Variants in ARHGAP23 observed in about 807,000 individuals in gnomAD.
The protein encoded by ARHGAP23 is Rho GTPase activating protein 23.
In ARHGAP23, 34 loss-of-function variants were observed where a neutral mutation model predicts 136.3. The observed-to-expected ratio is 0.25, with a 90% CI of 0.19 to 0.33. ARHGAP23 has a LOEUF of 0.33. Among genes scored for constraint, ARHGAP23 ranks in the 10% least tolerant of loss-of-function variants. The pLI is 1.00. For missense variants in ARHGAP23, 1,808 were observed against 2,139.0 expected (o/e 0.85, Z 3.05); for synonymous variants, 832 against 920.5 (o/e 0.90, Z 1.74).
At chr17:38,502,372 C>T (rs549616334) in intron 23 of ARHGAP23, among the ~76,000 whole-genome samples, 1 of 152,332 alleles carries the variant, frequency 6.6e-6, no homozygotes, top group South Asian at 2.1e-4. Context: ...CCAGCATTAC[C>T]CTGATACCAA....
intron 11 of ARHGAP23, among the ~76,000 whole-genome samples, chr17:38,473,103 A>AT (rs59594005): frequency 0.02 from 2,538 of 129,912 alleles, 28 homozygotes; most frequent in Non-Finnish European, 0.023. Flanking sequence ...AACCCGGCTA[A>AT]TTTTTTTTTT....
chr17:38,493,173 C>A (rs2040315133), intron 20 of ARHGAP23, among the ~76,000 whole-genome samples: 1 of 150,616 alleles, frequency 6.6e-6, no homozygotes. Context: ...TTTTCTTTCT[C>A]TTTCTCTCTC....
chr17:38,420,126 C>A (rs1375004276), intron 1 of ARHGAP23, among the ~76,000 whole-genome samples: 2 of 152,164 alleles, frequency 1.3e-5, no homozygotes, highest in Admixed American at 6.5e-5. Flanking sequence ...GGGATGAAGA[C>A]CCCCTCTGGT....
chr17:38,510,379 GC>G lies in ARHGAP23; in HGVS notation c.3884del (p.Ala1295GlyfsTer7). ...GACGGACACTGAGGGCGCGGCGGGC[GC>G]GGGGCCTGGGGGGCGCCTGACACGC... ...VETDTEGAAG[A>X]GPGGRLTRRP... On this transcript the variant is annotated frameshift_variant, in exon 24 of 24. Coordinates refer to ENST00000622683, the MANE Select transcript of ARHGAP23 (RefSeq NM_001199417.2). LOFTEE classifies it high-confidence loss of function. This position sits in a 1 kb window ranked among gnomAD's most constrained non-coding sequence, Gnocchi z 4.6. 1 of 1,244,944 alleles carries G rather than the reference GC, an allele frequency of 8.0e-7. No homozygotes were observed. Among genetic ancestry groups the G allele is most frequent in the South Asian group, 3.6e-5 (1 of 27,918 alleles). 77.1% of individuals were successfully genotyped at this position (1,244,944 alleles called of 1,614,324 possible).
At chr17:38,434,451 C>T (rs572309925) in intron 1 of ARHGAP23, among the ~76,000 whole-genome samples, 7 of 152,334 alleles carry the variant, frequency 4.6e-5, no homozygotes, top group African/African-American at 1.7e-4. Context: ...TTTCAAAGCT[C>T]GGCCTGAATC....
chr17:38,490,319 C>A (rs2040247957), intron 18 of ARHGAP23, 143 bp from the exon 19 acceptor site: 18 of 1,117,672 alleles, frequency 1.6e-5, no homozygotes, highest in Non-Finnish European at 2.2e-5. Flanking sequence ...GTTTCCCCGT[C>A]CATACAAGAG....
intron 23 of ARHGAP23, among the ~76,000 whole-genome samples, chr17:38,507,655 T>C (rs2040664525): frequency 6.6e-6 from 1 of 152,208 alleles, no homozygotes. Flanking sequence ...CAGAGAGCAC[T>C]GGCCAGGAAA....
Position 38,461,020 on chromosome 17 carries a change from C to A in ARHGAP23, c.253+88C>A, listed in dbSNP as rs2039448264. 2.7e-6 allele frequency: 4 copies of A among 1,490,688 alleles called. No homozygotes were observed. In the African/African-American group the frequency reaches 4.2e-5, roughly 16 times the overall value. 92.3% of individuals were successfully genotyped at this position (1,490,688 alleles called of 1,614,324 possible). A position where few individuals can be genotyped will look rare whatever the true frequency, so the allele number is the denominator to read the frequency against. On this transcript the variant is annotated intron_variant, in intron 3 of 23. Coordinates refer to ENST00000622683, the MANE Select transcript of ARHGAP23 (RefSeq NM_001199417.2). Reference sequence around the variant, plus strand: ...CTGTCCTCCCCTAAGACTGCCTGTCCTTTTCTGTGCCCCCCTCCCTTGACT... The same window carrying A: ...CTGTCCTCCCCTAAGACTGCCTGTCATTTTCTGTGCCCCCCTCCCTTGACT...
rs2039584299 is a variant in ARHGAP23, at chr17:38,466,074, C to A, written c.484-93C>A. Reference sequence around the variant, plus strand: ...ACCGCTTGGTCCTCTCCCTTCATTTCCCTCCTGGGCTCCTTGACCTCCTCG... The same window carrying A: ...ACCGCTTGGTCCTCTCCCTTCATTTACCTCCTGGGCTCCTTGACCTCCTCG... On this transcript the variant is annotated intron_variant, in intron 6 of 23. Transcript: ENST00000622683. The A allele has an allele frequency of 8.3e-6, 8 of 966,004 alleles. No homozygotes were observed. The Admixed American group carries it at 3.0e-4, about 36-fold the overall frequency. The allele number at this position is 966,004 out of a possible 1,614,324, so 59.8% of individuals were successfully genotyped here.
At chr17:38,428,383 G>GGCC (rs1454405539), upstream of ARHGAP23, 45 of 378,004 alleles carry the variant, frequency 1.2e-4, no homozygotes, top group East Asian at 1.2e-3. Context: ...CCCGGGGGGG[G>GGCC]CCCCCCCACA....
chr17:38,430,754 G>T (rs1359695865), intron 1 of ARHGAP23, among the ~76,000 whole-genome samples: 2 of 152,168 alleles, frequency 1.3e-5, no homozygotes, highest in African/African-American at 4.8e-5. Flanking sequence ...TGTGAAGTTG[G>T]ATTCCAATGT....
At chr17:38,420,379 A>G (rs886123922) in intron 1 of ARHGAP23, among the ~76,000 whole-genome samples, 3 of 152,026 alleles carry the variant, frequency 2.0e-5, no homozygotes, top group Non-Finnish European at 4.4e-5. Flanking sequence ...TTTGGGACAC[A>G]CCTTTCAGTG....
At chr17:38,429,823 C>G (rs1045727529) in intron 1 of ARHGAP23, among the ~76,000 whole-genome samples, 1 of 152,158 alleles carries the variant, frequency 6.6e-6, no homozygotes, top group Non-Finnish European at 1.5e-5. Context: ...CCACCCCAAC[C>G]CTGCGGCCTA....
chr17:38,477,620 C>T lies in ARHGAP23; in HGVS notation c.2160C>T (p.Ala720=), dbSNP rs1365822124. The change falls in exon 12 of 24, where the codon GCC becomes GCT. Residue 720 remains alanine (A), a synonymous_variant. Coordinates refer to ENST00000622683, the MANE Select transcript of ARHGAP23 (RefSeq NM_001199417.2). This position sits in a 1 kb window ranked among gnomAD's most constrained non-coding sequence, Gnocchi z 6.6. ...SGLRQWKRVY[A]ALRARSLSLS... ...TGCGCCAGTGGAAGCGGGTGTACGC[C>T]GCGCTGCGGGCGCGCTCGCTCTCGC... is the stretch of plus-strand genomic sequence containing the variant. 1.6e-5 allele frequency: 21 copies of T among 1,277,754 alleles called. No homozygotes were observed. The highest frequency in any genetic ancestry group is 3.5e-5 in the East Asian group (1 of 28,854). The allele number at this position is 1,277,754 out of a possible 1,614,324, so 79.2% of individuals were successfully genotyped here.
In ARHGAP23 at chr17:38,504,978, C is replaced by CTT. The variant is rs71138627; in HGVS notation, c.3447+4394_3447+4395dup. On this transcript the variant is annotated intron_variant, in intron 23 of 23. Coordinates refer to ENST00000622683, the MANE Select transcript of ARHGAP23 (RefSeq NM_001199417.2). ...ATTACTCAGAAGCCTCCCTTATCAT[C>CTT]TTTTTTTTTTTTTTTTTTTTTTTTT... Among the ~76,000 whole-genome samples, 34 of 43,168 alleles carry CTT rather than the reference C, an allele frequency of 7.9e-4. 10 individuals carry two copies. The highest frequency in any genetic ancestry group is 1.4e-3 in the Non-Finnish European group (28 of 20,290). The allele number at this position is 43,168 out of a possible 152,430, so 28.3% of individuals were successfully genotyped here.
At chr17:38,428,349 A>T (rs1477696535), upstream of ARHGAP23, 5 of 145,922 alleles carry the variant, frequency 3.4e-5, no homozygotes, top group Non-Finnish European at 5.1e-5. Flanking sequence ...GGTGGTGGGA[A>T]GGGGGAGGGG....
At chr17:38,475,734 G>T (rs2039878024) in intron 11 of ARHGAP23, among the ~76,000 whole-genome samples, 1 of 152,196 alleles carries the variant, frequency 6.6e-6, no homozygotes, top group Non-Finnish European at 1.5e-5. Context: ...GCATGCTGCT[G>T]CTGTAGGCCC....
intron 23 of ARHGAP23, among the ~76,000 whole-genome samples, chr17:38,507,745 T>C (rs1257826130): frequency 1.3e-5 from 2 of 152,192 alleles, no homozygotes; most frequent in Non-Finnish European, 2.9e-5. Context: ...GGGTGCCTTC[T>C]GGTGTTGTGC....
At chr17:38,505,923 C>T (rs769444154) in intron 23 of ARHGAP23, among the ~76,000 whole-genome samples, 27 of 152,022 alleles carry the variant, frequency 1.8e-4, no homozygotes, top group Non-Finnish European at 2.9e-4. Context: ...AGTGAGACTC[C>T]GTCTCCAAAA....
Sources: allele counts gnomAD v4.1 joint callset (sites outside exome capture counted in the v4.1 genomes callset), GRCh38; gene constraint gnomAD v4.1.1; non-coding constraint Gnocchi (gnomAD v3.1); transcripts MANE v1.5; gene names NCBI Gene and HGNC (gene_info 2026-07-23, HGNC 2026-07-21).